Variants in TRIB3 observed in about 807,000 individuals in gnomAD.
TRIB3 encodes the protein tribbles homolog 3.
In TRIB3, 20 loss-of-function variants were observed where a neutral mutation model predicts 16.6. That is an observed-to-expected ratio of 1.20 (90% CI 0.85 to 1.75). The LOEUF is 1.75. Ranked by LOEUF, TRIB3 falls within the 40% of genes most tolerant of loss-of-function variation. The pLI, the probability that TRIB3 is intolerant of heterozygous loss-of-function variation, is 0.00. For synonymous variants in TRIB3, 208 were observed against 217.0 expected, an observed-to-expected ratio of 0.96 and a Z score of 0.36; for missense variants, 484 against 488.9, an observed-to-expected ratio of 0.99 and a Z score of 0.10.
At chr20:384,253 T>C (rs955419067) in intron 1 of TRIB3, among the ~76,000 whole-genome samples, 1 of 152,226 alleles carries the variant, frequency 6.6e-6, no homozygotes, top group East Asian at 1.9e-4. Context: ...CTTCAGTGGC[T>C]CCCCACTGCC....
In TRIB3 at chr20:391,307, CCTGGCCGTGCTGGAGCCCTATGCGCGG is replaced by C. The variant is rs1323714041; in HGVS notation, c.316_342del (p.Ala106_Leu114del). The C allele has an allele frequency of 6.2e-6, 10 of 1,612,592 alleles. No homozygotes were observed. Among genetic ancestry groups the C allele is most frequent in the Non-Finnish European group, 8.5e-6 (10 of 1,179,990 alleles). ...CACAGGTGTACCCCGTCCAGGAAGC[CCTGGCCGTGCTGGAGCCCTATGCGCGG>C]CTGCCCCCGCACAAGCATGTGGCTC... On this transcript the variant is annotated inframe_deletion, in exon 3 of 4. Coordinates refer to ENST00000217233, the MANE Select transcript of TRIB3 (RefSeq NM_021158.5).
chr20:392,143 G>A (rs1262884469), intron 3 of TRIB3, among the ~76,000 whole-genome samples: 1 of 152,084 alleles, frequency 6.6e-6, no homozygotes, highest in Non-Finnish European at 1.5e-5. Context: ...ATTATCTAAC[G>A]TGGTCTTCCA....
chr20:395,118 C>G (rs535790096), intron 3 of TRIB3, among the ~76,000 whole-genome samples: 1 of 150,788 alleles, frequency 6.6e-6, no homozygotes, highest in East Asian at 1.9e-4. Flanking sequence ...TTTGAGTGCT[C>G]AGTGGAAGTT....
At chr20:395,600 A>G (rs1448043034) in intron 3 of TRIB3, among the ~76,000 whole-genome samples, 1 of 152,148 alleles carries the variant, frequency 6.6e-6, no homozygotes, top group Non-Finnish European at 1.5e-5. Flanking sequence ...ATGTGGGGCC[A>G]TCTTGGGAAC....
Position 380,780 on chromosome 20 carries a change from C to G in TRIB3, c.-390C>G, listed in dbSNP as rs1368802953. On this transcript the variant is annotated 5_prime_UTR_variant, in exon 1 of 4. Transcript: ENST00000217233. ...TGACCAGACGCCCCTAGGGGGCCAG[C>G]GAGGGCGGGTCCCAGGTGCAGCGGA... 1 of 151,634 alleles carries G rather than the reference C, an allele frequency of 6.6e-6. No homozygotes were observed. Among genetic ancestry groups the G allele is most frequent in the Non-Finnish European group, 1.5e-5 (1 of 68,132 alleles). The allele number at this position is 151,634 out of a possible 1,614,324, so 9.4% of individuals were successfully genotyped here.
chr20:381,775 G>A (rs1419226320), intron 1 of TRIB3, among the ~76,000 whole-genome samples: 4 of 152,174 alleles, frequency 2.6e-5, no homozygotes, highest in East Asian at 1.9e-4. Flanking sequence ...GGGAGCGGGG[G>A]CGCAGCGCGC....
In TRIB3 at chr20:382,577, A is replaced by G. The variant is rs1321065090; in HGVS notation, c.-1+1408A>G. The G allele has an allele frequency of 4.6e-6, 7 of 1,535,634 alleles. No individual in the cohort carries two copies. In the African/African-American group the frequency reaches 6.8e-5, roughly 15 times the overall value. On this transcript the variant is annotated intron_variant, in intron 1 of 3. Transcript: ENST00000217233. ...CTTATGCATCTTGCTGTGAAGAATA[A>G]CAGGATGAGTGCTAATAATGACCAT...
At chr20:390,934 G>A (rs776118319) in intron 2 of TRIB3, among the ~76,000 whole-genome samples, 23 of 149,884 alleles carry the variant, frequency 1.5e-4, no homozygotes, top group Non-Finnish European at 2.8e-4. Context: ...TCCAGGAGGC[G>A]GAGTTTGCAG....
At chr20:394,110 A>C (rs1219994334) in intron 3 of TRIB3, among the ~76,000 whole-genome samples, 1 of 146,492 alleles carries the variant, frequency 6.8e-6, no homozygotes, top group East Asian at 2.0e-4. Flanking sequence ...GGCTCACTGC[A>C]ACCTCCACCT....
In TRIB3 at chr20:391,271, C is replaced by CA; in HGVS notation, c.292-15dup. On this transcript the variant is annotated splice_polypyrimidine_tract_variant and intron_variant, in intron 2 of 3. Coordinates refer to ENST00000217233, the MANE Select transcript of TRIB3 (RefSeq NM_021158.5). ...CGGGAGTCCCCAGCTGTGCTAACACCATGCTCTGCCCACAGGTGTACCCCG... is the reference window on the plus strand; with the variant it reads ...CGGGAGTCCCCAGCTGTGCTAACACCAATGCTCTGCCCACAGGTGTACCCCG... 1 of 1,608,330 alleles carries CA rather than the reference C, an allele frequency of 6.2e-7. No individual in the cohort carries two copies. The highest frequency in any genetic ancestry group is 1.1e-5 in the South Asian group (1 of 90,860).
At chr20:395,273 T>C (rs1485878056) in intron 3 of TRIB3, among the ~76,000 whole-genome samples, 1 of 151,932 alleles carries the variant, frequency 6.6e-6, no homozygotes, top group Admixed American at 6.6e-5. Context: ...CATATCCTTC[T>C]GCCTCAGCCT....
At chr20:381,777 G>T (rs1156339052) in intron 1 of TRIB3, among the ~76,000 whole-genome samples, 1 of 152,166 alleles carries the variant, frequency 6.6e-6, no homozygotes, top group Non-Finnish European at 1.5e-5. Context: ...GAGCGGGGGC[G>T]CAGCGCGCGA....
chr20:396,903 C>T lies in TRIB3; in HGVS notation c.*213C>T, dbSNP rs4352283. On this transcript the variant is annotated 3_prime_UTR_variant, in exon 4 of 4. Transcript: ENST00000217233. ...CTTATCAGGTGCCAAGCCCTGTTCT[C>T]GGTGCTGGGAGTACAGCAGTGAGCA... The T allele has an allele frequency of 1.5e-4, 94 of 633,514 alleles. No homozygotes were observed. The East Asian group carries it at 2.6e-3, about 17-fold the overall frequency. The allele number at this position is 633,514 out of a possible 1,614,324, so 39.2% of individuals were successfully genotyped here.
At chr20:387,974 C>T in intron 1 of TRIB3, 37 bp from the exon 2 acceptor site, 1 of 1,587,824 alleles carries the variant, frequency 6.3e-7, no homozygotes, top group Non-Finnish European at 8.6e-7. Context: ...GGCCACCAAG[C>T]AGTCTCACTT....
chr20:390,392 C>T (rs995590869), intron 2 of TRIB3, among the ~76,000 whole-genome samples: 4 of 152,196 alleles, frequency 2.6e-5, no homozygotes, highest in Admixed American at 6.5e-5. Context: ...CTTTGCAATG[C>T]TTATCAGCAT....
intron 1 of TRIB3, among the ~76,000 whole-genome samples, chr20:384,476 G>A (rs1008230524): frequency 6.6e-6 from 1 of 152,076 alleles, no homozygotes; most frequent in African/African-American, 2.4e-5. Context: ...TGATTCTCCT[G>A]CCTCAGCCTC....
In TRIB3 at chr20:397,100, C is replaced by G. The variant is rs1773311202; in HGVS notation, c.*410C>G. ...GTCCAAGGACAATCCCTTTCACAAACAAACCAGCTGCCTTTGTATCTTGTA... is the reference window on the plus strand; with the variant it reads ...GTCCAAGGACAATCCCTTTCACAAAGAAACCAGCTGCCTTTGTATCTTGTA... On this transcript the variant is annotated 3_prime_UTR_variant, in exon 4 of 4. Coordinates refer to ENST00000217233, the MANE Select transcript of TRIB3 (RefSeq NM_021158.5). 1 of 172,494 alleles carries G rather than the reference C, an allele frequency of 5.8e-6. No individual in the cohort carries two copies. Among genetic ancestry groups the G allele is most frequent in the African/African-American group, 2.4e-5 (1 of 42,054 alleles). 10.7% of individuals were successfully genotyped at this position (172,494 alleles called of 1,614,324 possible). A position where few individuals can be genotyped will look rare whatever the true frequency, so the allele number is the denominator to read the frequency against.
At position 391,596 on chromosome 20, in the gene TRIB3, A is replaced by G. The variant is rs1217721908; in HGVS notation, c.584+17A>G. 6.3e-7 allele frequency: 1 copy of G among 1,597,626 alleles called. No homozygotes were observed. Among genetic ancestry groups the G allele is most frequent in the Non-Finnish European group, 8.5e-7 (1 of 1,170,220 alleles). On this transcript the variant is annotated intron_variant, in intron 3 of 3. Coordinates refer to ENST00000217233, the MANE Select transcript of TRIB3 (RefSeq NM_021158.5). ...CCGTGAGAGGTGAGTGTGGTCTCAGAGACCCCAGCCACAGACACACCCAGG... is the reference window on the plus strand; with the variant it reads ...CCGTGAGAGGTGAGTGTGGTCTCAGGGACCCCAGCCACAGACACACCCAGG...
chr20:396,785 T>C lies in TRIB3; in HGVS notation c.*95T>C. ...CCTCTGAACTGAGCCAAACCTTCAG[T>C]GCCTTCCAGAAGGGAGAAAGGCAGA... On this transcript the variant is annotated 3_prime_UTR_variant, in exon 4 of 4. Transcript: ENST00000217233. The C allele has an allele frequency of 1.3e-6, 2 of 1,497,968 alleles. No homozygotes were observed. Among genetic ancestry groups the C allele is most frequent in the South Asian group, 1.3e-5 (1 of 75,392 alleles). The allele number at this position is 1,497,968 out of a possible 1,614,324, so 92.8% of individuals were successfully genotyped here.
Sources: gnomAD v4.1 joint callset for allele counts (sites outside exome capture counted in the v4.1 genomes callset) on GRCh38, gnomAD v4.1.1 for gene constraint, MANE v1.5 for transcripts, NCBI Gene and HGNC (gene_info 2026-07-23, HGNC 2026-07-21) for gene names.